Variants in TAS2R1 observed in about 807,000 individuals in gnomAD.
TAS2R1 encodes taste 2 receptor member 1, also known as taste receptor type 2 member 1.
For missense variants in TAS2R1, 370 were observed against 353.4 expected (o/e 1.05, Z -0.38); for synonymous variants, 141 against 134.2 (o/e 1.05, Z -0.35).
At chr5:9,662,189 T>A (rs555941443) in intron 1 of TAS2R1, among the ~76,000 whole-genome samples, 1 of 152,296 alleles carries the variant, frequency 6.6e-6, no homozygotes, top group East Asian at 1.9e-4. Flanking sequence ...AAAGAAAATC[T>A]ACTCCTTGAT....
the TAS2R1 span, among the ~76,000 whole-genome samples, chr5:9,796,984 A>G: frequency 2.0e-5 from 3 of 152,206 alleles, no homozygotes; most frequent in Non-Finnish European, 2.9e-5. Context: ...ACTGGGAAAC[A>G]CTGCTCCATA....
chr5:9,709,196 A>C (rs1741682826), intron 1 of TAS2R1, among the ~76,000 whole-genome samples: 2 of 151,986 alleles, frequency 1.3e-5, no homozygotes, highest in South Asian at 2.1e-4. Flanking sequence ...TAGAAAAAAA[A>C]AAAAAAAAGA....
At chr5:9,643,186 G>A (rs1004827348) in intron 2 of TAS2R1, among the ~76,000 whole-genome samples, 2 of 152,112 alleles carry the variant, frequency 1.3e-5, no homozygotes, top group East Asian at 1.9e-4. Context: ...GAAAGTAATC[G>A]ATAGACAATT....
At chr5:9,681,118 A>G (rs1487035643) in intron 1 of TAS2R1, among the ~76,000 whole-genome samples, 1 of 151,982 alleles carries the variant, frequency 6.6e-6, no homozygotes, top group Admixed American at 6.6e-5. Flanking sequence ...TAAATCTAAC[A>G]TGGTATCCTG....
At chr5:9,896,535 C>T in the TAS2R1 span, among the ~76,000 whole-genome samples, 10 of 152,150 alleles carry the variant, frequency 6.6e-5, no homozygotes, top group African/African-American at 2.4e-4. Context: ...ACCCAAACCG[C>T]CGACCCAAAT....
At chr5:9,763,177 C>A in the TAS2R1 span, among the ~76,000 whole-genome samples, 9 of 152,216 alleles carry the variant, frequency 5.9e-5, no homozygotes, top group African/African-American at 2.2e-4. Flanking sequence ...GAAGTAGAAT[C>A]AAGAAAGTTG....
At chr5:9,644,822 C>G (rs75144963) in intron 2 of TAS2R1, among the ~76,000 whole-genome samples, 1 of 152,196 alleles carries the variant, frequency 6.6e-6, no homozygotes, top group Non-Finnish European at 1.5e-5. Context: ...CTGACGAGAG[C>G]AGAGTAGGTG....
At chr5:9,874,420 A>G in the TAS2R1 span, among the ~76,000 whole-genome samples, 15 of 152,308 alleles carry the variant, frequency 9.8e-5, no homozygotes, top group African/African-American at 3.6e-4. Flanking sequence ...CTTTTGAAAA[A>G]TGTGTAGATC....
At chr5:9,771,251 T>C in the TAS2R1 span, among the ~76,000 whole-genome samples, 1 of 152,242 alleles carries the variant, frequency 6.6e-6, no homozygotes, top group African/African-American at 2.4e-5. Context: ...TTGGCAAAGT[T>C]TTTTCAGCAT....
chr5:9,847,933 T>C, the TAS2R1 span, among the ~76,000 whole-genome samples: 2 of 152,098 alleles, frequency 1.3e-5, no homozygotes, highest in African/African-American at 4.8e-5. Context: ...TCCAGAAACT[T>C]GTCAGACACG....
chr5:9,743,329 A>G, the TAS2R1 span, among the ~76,000 whole-genome samples: 96 of 149,994 alleles, frequency 6.4e-4, no homozygotes, highest in African/African-American at 2.1e-3. Context: ...TAATTTTATT[A>G]TTATTATACT....
the TAS2R1 span, among the ~76,000 whole-genome samples, chr5:9,747,985 G>A: frequency 6.6e-6 from 1 of 152,168 alleles, no homozygotes; most frequent in Admixed American, 6.5e-5. Flanking sequence ...TAAAAAACAT[G>A]TCTTCACTGT....
chr5:9,665,706 GGTT>G (rs545808557), intron 1 of TAS2R1, among the ~76,000 whole-genome samples: 98 of 152,296 alleles, frequency 6.4e-4, no homozygotes, highest in African/African-American at 2.2e-3. Context: ...CTGCCTCTAG[GGTT>G]GTTATGAGAA....
chr5:9,793,229 G>C, the TAS2R1 span, among the ~76,000 whole-genome samples: 13 of 152,274 alleles, frequency 8.5e-5, no homozygotes, highest in African/African-American at 1.2e-4. Context: ...GGAATTAGGA[G>C]GGGAAAGGGC....
At position 9,630,081 on chromosome 5, in the gene TAS2R1, T is replaced by C; in HGVS notation, c.-49A>G. On this transcript the variant is annotated 5_prime_UTR_variant, in exon 1 of 1. Transcript: ENST00000382492. ...TTAAAAAATAATGAAGTTATAAAGT[T>C]TTGGACAGGTTGGGTTGTTCACGCT... 1 of 1,456,120 alleles carries C rather than the reference T, an allele frequency of 6.9e-7. No homozygotes were observed. The highest frequency in any genetic ancestry group is 9.1e-7 in the Non-Finnish European group (1 of 1,098,636). 90.2% of individuals were successfully genotyped at this position (1,456,120 alleles called of 1,614,324 possible).
chr5:9,826,537 T>C, the TAS2R1 span, among the ~76,000 whole-genome samples: 969 of 152,320 alleles, frequency 6.4e-3, 13 homozygotes, highest in African/African-American at 0.022. Flanking sequence ...GAAGAAAGAA[T>C]ACTTTTGCAA....
intron 2 of TAS2R1, among the ~76,000 whole-genome samples, chr5:9,653,804 G>T (rs1163223859): frequency 6.6e-6 from 1 of 152,148 alleles, no homozygotes; most frequent in Non-Finnish European, 1.5e-5. Flanking sequence ...TTCAAACTAA[G>T]AGCTATTCCC....
the TAS2R1 span, among the ~76,000 whole-genome samples, chr5:9,760,738 C>A: frequency 6.6e-6 from 1 of 152,164 alleles, no homozygotes; most frequent in Non-Finnish European, 1.5e-5. Context: ...TAACATCATA[C>A]TTACTTGTGA....
the TAS2R1 span, chr5:9,883,299 A>G: frequency 6.6e-6 from 1 of 152,254 alleles, no homozygotes; most frequent in African/African-American, 2.4e-5. Context: ...TGATGGGTTG[A>G]TAAGTGTGGC....
Sources: allele counts gnomAD v4.1 joint callset (sites outside exome capture counted in the v4.1 genomes callset), GRCh38; gene constraint gnomAD v4.1.1; transcripts MANE v1.5; gene names NCBI Gene and HGNC (gene_info 2026-07-23, HGNC 2026-07-21).